Variants in EFHC2 observed in about 807,000 individuals in gnomAD.
EFHC2 encodes EF-hand domain-containing family member C2.
EFHC2 carries 18 observed loss-of-function variants against 52.7 expected under a neutral mutation model. The observed-to-expected ratio is 0.34, with a 90% CI of 0.24 to 0.51. The LOEUF is 0.51. EFHC2 is among the 20% of genes least tolerant of loss of function. The pLI is 0.97. For missense variants in EFHC2, 513 were observed against 562.5 expected (o/e 0.91, Z 0.89); for synonymous variants, 203 against 204.1 (o/e 0.99, Z 0.04).
chrX:44,216,223 TGAGA>T (rs1464214288), intron 11 of EFHC2, among the ~76,000 whole-genome samples: 3 of 112,501 alleles, frequency 2.7e-5, no homozygotes, highest in Non-Finnish European at 5.6e-5. Flanking sequence ...TCATGGTTTC[TGAGA>T]GTGAGCAATT....
chrX:44,226,596 T>C (rs2037233874), intron 11 of EFHC2, among the ~76,000 whole-genome samples: 1 of 111,406 alleles, frequency 9.0e-6, no homozygotes, highest in Admixed American at 9.6e-5. Flanking sequence ...TCCAGGTTTA[T>C]AGCTCAGGAG....
intron 2 of EFHC2, among the ~76,000 whole-genome samples, chrX:44,304,017 T>C (rs771919084): frequency 3.7e-4 from 42 of 112,412 alleles, no homozygotes; most frequent in Non-Finnish European, 6.6e-4. Context: ...TCTATGTAAA[T>C]GGGGCTTAAC....
At chrX:44,290,404 T>G (rs145368842) in intron 2 of EFHC2, among the ~76,000 whole-genome samples, 3,467 of 111,883 alleles carry the variant, frequency 0.031, 68 homozygotes, top group Middle Eastern at 0.064. Flanking sequence ...TCAAAAATAC[T>G]TATTTTTTTC....
chrX:44,211,151 C>T (rs1040237644), intron 11 of EFHC2, among the ~76,000 whole-genome samples: 8 of 111,969 alleles, frequency 7.1e-5, no homozygotes, highest in Non-Finnish European at 1.3e-4. Flanking sequence ...AAAAGACAGA[C>T]CATATCGAGG....
At chrX:44,202,051 A>G (rs752796846) in intron 11 of EFHC2, among the ~76,000 whole-genome samples, 10 of 112,275 alleles carry the variant, frequency 8.9e-5, no homozygotes, top group Non-Finnish European at 1.9e-5. Flanking sequence ...AAAAAAAATC[A>G]TAAGGATTAG....
intron 10 of EFHC2, among the ~76,000 whole-genome samples, chrX:44,231,859 G>A (rs1381271459): frequency 8.9e-6 from 1 of 111,755 alleles, no homozygotes; most frequent in Admixed American, 9.4e-5. Context: ...TTAAAATCAA[G>A]ATTTTATCAA....
At chrX:44,283,154 C>A (rs1266877397) in intron 2 of EFHC2, among the ~76,000 whole-genome samples, 1 of 111,581 alleles carries the variant, frequency 9.0e-6, no homozygotes, top group Admixed American at 9.5e-5. Context: ...GCCTTGTATT[C>A]CAAACCAAAA....
chrX:44,190,927 C>T (rs1031389603), intron 11 of EFHC2, among the ~76,000 whole-genome samples: 1 of 111,657 alleles, frequency 9.0e-6, no homozygotes, highest in Non-Finnish European at 1.9e-5. Context: ...GTACCCTGAG[C>T]TGCTGGGACA....
At chrX:44,302,044 T>C (rs1255819597) in intron 2 of EFHC2, among the ~76,000 whole-genome samples, 1 of 111,778 alleles carries the variant, frequency 8.9e-6, no homozygotes, top group Non-Finnish European at 1.9e-5. Flanking sequence ...AGAAGTGGAA[T>C]TACTGGGTCA....
intron 4 of EFHC2, among the ~76,000 whole-genome samples, chrX:44,254,260 C>T (rs748331661): frequency 6.3e-5 from 7 of 111,802 alleles, no homozygotes; most frequent in East Asian, 5.6e-4. Flanking sequence ...CAAAACTGGA[C>T]GGAGAATGAG....
At chrX:44,209,936 G>A (rs939532695) in intron 11 of EFHC2, among the ~76,000 whole-genome samples, 2 of 110,390 alleles carry the variant, frequency 1.8e-5, no homozygotes, top group African/African-American at 6.6e-5. Context: ...ATTTGTTACT[G>A]ACTCCCATCA....
chrX:44,155,302 C>T (rs2036598799), intron 14 of EFHC2, among the ~76,000 whole-genome samples: 3 of 111,889 alleles, frequency 2.7e-5, no homozygotes, highest in Admixed American at 9.5e-5. Context: ...AAAAATGTAG[C>T]TGCCGATCTG....
chrX:44,227,897 G>A (rs1389167926), intron 11 of EFHC2, among the ~76,000 whole-genome samples: 1 of 111,504 alleles, frequency 9.0e-6, no homozygotes, highest in Non-Finnish European at 1.9e-5. Context: ...AGGGAACTTG[G>A]TGTGCATAGG....
chrX:44,216,945 G>T (rs957869898), intron 11 of EFHC2, among the ~76,000 whole-genome samples: 3 of 111,449 alleles, frequency 2.7e-5, no homozygotes, highest in African/African-American at 6.5e-5. Context: ...CACAGAATGG[G>T]AGAAAATATC....
rs568371657 is a variant in EFHC2, at chrX:44,336,216, G to A, written c.42+7331C>T. On this transcript the variant is annotated intron_variant, in intron 1 of 14. Transcript: ENST00000420999. ...AGCCTGGCCAACATGGTGAAACCCC[G>A]TCTCTACCCAAAATACAAAAATTAG... Among the ~76,000 whole-genome samples, 190 of 109,764 alleles carry A rather than the reference G, an allele frequency of 1.7e-3. 3 individuals carry two copies. Among genetic ancestry groups the A allele is most frequent in the Admixed American group, 0.013 (136 of 10,204 alleles).
intron 4 of EFHC2, among the ~76,000 whole-genome samples, chrX:44,256,830 C>T (rs968112775): frequency 9.0e-6 from 1 of 110,693 alleles, no homozygotes; most frequent in African/African-American, 3.3e-5. Context: ...AGAGACACAA[C>T]AACAACAACA....
At chrX:44,244,829 C>T (rs766447920) in intron 7 of EFHC2, among the ~76,000 whole-genome samples, 6 of 111,867 alleles carry the variant, frequency 5.4e-5, no homozygotes, top group Non-Finnish European at 9.4e-5. Context: ...CAAAGAATGT[C>T]AAATTACTAA....
At chrX:44,265,413 C>T (rs756109933) in intron 3 of EFHC2, among the ~76,000 whole-genome samples, 7 of 111,067 alleles carry the variant, frequency 6.3e-5, no homozygotes, top group Non-Finnish European at 1.1e-4. Context: ...GCTGAGATTA[C>T]GGGCATGGCC....
chrX:44,210,462 C>A (rs1007429507), intron 11 of EFHC2, among the ~76,000 whole-genome samples: 1 of 112,167 alleles, frequency 8.9e-6, no homozygotes, highest in Admixed American at 9.4e-5. Context: ...CAAGAAAATG[C>A]GGTATTGGTA....
Sources: gnomAD v4.1 joint callset for allele counts (sites outside exome capture counted in the v4.1 genomes callset) on GRCh38, gnomAD v4.1.1 for gene constraint, MANE v1.5 for transcripts, NCBI Gene and HGNC (gene_info 2026-07-23, HGNC 2026-07-21) for gene names.